Variants in BEAN1 observed in about 807,000 individuals in gnomAD.
BEAN1 encodes brain expressed associated with NEDD4 1.
A neutral mutation model predicts 17.7 loss-of-function variants in BEAN1; 17 were observed. The observed-to-expected ratio is 0.96, with a 90% CI of 0.66 to 1.44. The LOEUF is 1.44. BEAN1 is among the 40% of genes most tolerant of loss of function. The pLI is 0.00. For synonymous variants in BEAN1, 142 were observed against 151.8 expected, an observed-to-expected ratio of 0.94 and a Z score of 0.47; for missense variants, 359 against 374.1, an observed-to-expected ratio of 0.96 and a Z score of 0.33.
At position 66,469,774 on chromosome 16, in the gene BEAN1, G is replaced by C. The variant is rs377695318; in HGVS notation, c.198G>C (p.Arg66=). The change falls in exon 3 of 5, where the codon CGG becomes CGC. Residue 66 remains arginine, a synonymous_variant. Coordinates refer to ENST00000536005, the MANE Select transcript of BEAN1 (RefSeq NM_001178020.3). ...VGSIRRDRQA[R]LQRHRHRHHR... is the part of the protein sequence containing the mutation. ...GCATCCGCAGGGACAGGCAGGCCCG[G>C]CTTCAGCGGCACCGCCACCGCCACC... The C allele has an allele frequency of 6.5e-7, 1 of 1,536,034 alleles. No homozygotes were observed. Among genetic ancestry groups the C allele is most frequent in the Non-Finnish European group, 8.7e-7 (1 of 1,146,906 alleles).
At chr16:66,490,396 C>CACTAA (rs1964149349) in intron 4 of BEAN1, among the ~76,000 whole-genome samples, 1 of 67,602 alleles carries the variant, frequency 1.5e-5, no homozygotes, top group Non-Finnish European at 3.0e-5. Context: ...GACTCTGTTT[C>CACTAA]AATAAAATAA....
Position 66,481,242 on chromosome 16 carries a change from G to C in BEAN1, c.*317G>C, listed in dbSNP as rs1963977515. 2.5e-6 allele frequency: 1 copy of C among 400,724 alleles called. No homozygotes were observed. Among genetic ancestry groups the C allele is most frequent in the Non-Finnish European group, 4.4e-6 (1 of 227,410 alleles). The allele number at this position is 400,724 out of a possible 1,614,324, so 24.8% of individuals were successfully genotyped here. Reference sequence around the variant, plus strand: ...GGCCTGTTTGTTGTGCCTCTGTAGAGAGCGCTTCGGAGAGAGAGGCGAAGT... The same window carrying C: ...GGCCTGTTTGTTGTGCCTCTGTAGACAGCGCTTCGGAGAGAGAGGCGAAGT... On this transcript the variant is annotated 3_prime_UTR_variant, in exon 5 of 5. Coordinates refer to ENST00000536005, the MANE Select transcript of BEAN1 (RefSeq NM_001178020.3). The surrounding 1 kb of genome is among the most constrained non-coding windows in gnomAD (Gnocchi z 4.1).
intron 3 of BEAN1, 159 bp downstream of exon 3, chr16:66,470,024 C>G: frequency 9.9e-7 from 1 of 1,014,994 alleles, no homozygotes; most frequent in Non-Finnish European, 1.4e-6. Context: ...CAGGCGCCCA[C>G]CATAATGTTC....
chr16:66,464,451 C>T (rs1963195178), intron 2 of BEAN1, among the ~76,000 whole-genome samples: 1 of 152,160 alleles, frequency 6.6e-6, no homozygotes. Context: ...AACGATTCCC[C>T]TGCCACAGCC....
intron 2 of BEAN1, among the ~76,000 whole-genome samples, chr16:66,457,594 C>A (rs1040390795): frequency 4.6e-5 from 7 of 152,128 alleles, no homozygotes; most frequent in African/African-American, 1.7e-4. Context: ...CAGACTCACC[C>A]CTCTGTGTTC....
intron 2 of BEAN1, among the ~76,000 whole-genome samples, chr16:66,460,626 C>A (rs1963046966): frequency 6.6e-6 from 1 of 152,240 alleles, no homozygotes; most frequent in South Asian, 2.1e-4. Flanking sequence ...TGTTGATACA[C>A]CTTCATCCTG....
downstream of BEAN1, chr16:66,484,116 G>A (rs1193217245): frequency 5.1e-5 from 9 of 177,624 alleles, no homozygotes; most frequent in Non-Finnish European, 9.7e-5. This position sits in a 1 kb window ranked among gnomAD's most constrained non-coding sequence, Gnocchi z 4.2. Context: ...GCTCACCCCC[G>A]CCCCGCCAGC....
rs1233128425 is a variant in BEAN1 at position 66,473,814 on chromosome 16, C to T, written c.290-3746C>T. ...TCCACCTGTCAGACACACTCACAGCCCCCCAGCTCTGGTGACTCAAGCCCT... is the reference window on the plus strand; with the variant it reads ...TCCACCTGTCAGACACACTCACAGCTCCCCAGCTCTGGTGACTCAAGCCCT... On this transcript the variant is annotated intron_variant, in intron 3 of 4. Transcript: ENST00000536005. The surrounding 1 kb of genome is among the most constrained non-coding windows in gnomAD (Gnocchi z 4.5). Among the ~76,000 whole-genome samples the T allele has an allele frequency of 6.6e-6, 1 of 152,144 alleles. No homozygotes were observed. The highest frequency in any genetic ancestry group is 6.5e-5 in the Admixed American group (1 of 15,276).
chr16:66,437,465 C>T (rs1292234877), intron 1 of BEAN1, 130 bp from the exon 2 acceptor site: 2 of 601,264 alleles, frequency 3.3e-6, no homozygotes, highest in Non-Finnish European at 5.8e-6. Flanking sequence ...CCAGACTAGG[C>T]ACGTGCTCTC....
rs746865919 is a variant in BEAN1 at position 66,480,611 on chromosome 16, G to T, written c.466G>T (p.Ala156Ser). 23 of 1,544,618 alleles carry T rather than the reference G, an allele frequency of 1.5e-5. No individual in the cohort carries two copies. The highest frequency in any genetic ancestry group is 4.1e-5 in the African/African-American group (3 of 72,938). Residue 156 changes from alanine to serine, a missense_variant, in exon 5 of 5, where the codon GCC (alanine) becomes TCC (serine). Coordinates refer to ENST00000536005, the MANE Select transcript of BEAN1 (RefSeq NM_001178020.3). ...CTACGAGGAGTGTGTGGGGCCAGGG[G>T]CCACTCAGCTGTATGTCCCCACGGA... ...PGYEECVGPG[A>S]TQLYVPTDAP...
downstream of BEAN1, chr16:66,483,101 T>C: frequency 6.0e-6 from 2 of 333,566 alleles, no homozygotes; most frequent in Non-Finnish European, 1.2e-5. Context: ...TCTCAAGCGA[T>C]CCTCTCACCT....
intron 1 of BEAN1, among the ~76,000 whole-genome samples, chr16:66,431,665 C>T (rs1372549269): frequency 6.6e-6 from 1 of 151,414 alleles, no homozygotes; most frequent in African/African-American, 2.4e-5. Flanking sequence ...ATTCTACAAA[C>T]TATTGTGTGT....
chr16:66,432,914 C>T (rs1961860112), intron 1 of BEAN1, among the ~76,000 whole-genome samples: 1 of 152,124 alleles, frequency 6.6e-6, no homozygotes, highest in South Asian at 2.1e-4. Context: ...CTGTATCTAA[C>T]CATCTAACAG....
At chr16:66,457,722 ATCCCTCTATCAGTC>A in intron 2 of BEAN1, among the ~76,000 whole-genome samples, 1 of 151,590 alleles carries the variant, frequency 6.6e-6, no homozygotes, top group East Asian at 1.9e-4. Flanking sequence ...GACCTCCAAC[ATCCCTCTATCAGTC>A]TCCTGGTGAC....
chr16:66,461,195 G>T (rs1963068868), intron 2 of BEAN1, among the ~76,000 whole-genome samples: 1 of 150,462 alleles, frequency 6.6e-6, no homozygotes, highest in South Asian at 2.1e-4. Flanking sequence ...GGAGACCGGG[G>T]GTGGGAAGGG....
chr16:66,481,408 G>A lies in BEAN1; in HGVS notation c.*483G>A, dbSNP rs1963982596. The A allele has an allele frequency of 2.5e-6, 1 of 396,712 alleles. No individual in the cohort carries two copies. 24.6% of individuals were successfully genotyped at this position (396,712 alleles called of 1,614,324 possible). On this transcript the variant is annotated 3_prime_UTR_variant, in exon 5 of 5. Transcript: ENST00000536005. This position sits in a 1 kb window ranked among gnomAD's most constrained non-coding sequence, Gnocchi z 4.1. ...TGCCTGCCCTGACCCCTACCCCAGG[G>A]CCAGCTTGTCCTCCTGGGAGGCGGG...
chr16:66,479,287 G>A (rs1299683006), intron 4 of BEAN1, among the ~76,000 whole-genome samples: 3 of 152,112 alleles, frequency 2.0e-5, no homozygotes, highest in African/African-American at 7.2e-5. Flanking sequence ...AACAGGTGGG[G>A]CTGCTTCTGA....
chr16:66,447,917 A>G (rs1962514637), intron 2 of BEAN1, among the ~76,000 whole-genome samples: 1 of 152,228 alleles, frequency 6.6e-6, no homozygotes, highest in Non-Finnish European at 1.5e-5. Flanking sequence ...CTTTCTACAT[A>G]AATGTGGAAA....
intron 2 of BEAN1, among the ~76,000 whole-genome samples, chr16:66,458,414 T>C (rs897380461): frequency 6.6e-6 from 1 of 151,812 alleles, no homozygotes; most frequent in Non-Finnish European, 1.5e-5. Flanking sequence ...CCTCCCCTCA[T>C]AGTTTTTGGC....
Sources: allele counts gnomAD v4.1 joint callset (sites outside exome capture counted in the v4.1 genomes callset), GRCh38; gene constraint gnomAD v4.1.1; non-coding constraint Gnocchi (gnomAD v3.1); transcripts MANE v1.5; gene names NCBI Gene and HGNC (gene_info 2026-07-23, HGNC 2026-07-21).